Variants in VSIG10 observed in about 807,000 individuals in gnomAD.
The protein encoded by VSIG10 is V-set and immunoglobulin domain containing 10.
In VSIG10, 48 loss-of-function variants were observed where a neutral mutation model predicts 58.7. That is an observed-to-expected ratio of 0.82 (90% confidence interval 0.65 to 1.04). VSIG10 has a LOEUF of 1.04. Ranked by LOEUF, VSIG10 falls within the 50% of genes least tolerant of loss-of-function variation. VSIG10 has a pLI of 0.00. For synonymous variants in VSIG10, 260 were observed against 267.1 expected (o/e 0.97, Z 0.26); for missense variants, 628 against 670.0 (o/e 0.94, Z 0.69).
chr12:118,075,985 C>A (rs1276529928), intron 4 of VSIG10, among the ~76,000 whole-genome samples: 1 of 152,172 alleles, frequency 6.6e-6, no homozygotes, highest in Non-Finnish European at 1.5e-5. Context: ...AAACTGGCTA[C>A]TGTATCCATA....
chr12:118,086,381 T>C (rs2033127225), intron 2 of VSIG10, among the ~76,000 whole-genome samples: 1 of 151,814 alleles, frequency 6.6e-6, no homozygotes, highest in South Asian at 2.1e-4. Context: ...GGCAGGAGAA[T>C]AGCTTGAACC....
At chr12:118,069,900 C>T (rs1176635233) in intron 7 of VSIG10, among the ~76,000 whole-genome samples, 4 of 152,130 alleles carry the variant, frequency 2.6e-5, no homozygotes, top group African/African-American at 9.7e-5. Flanking sequence ...GGGAATGGCA[C>T]AGCTGTCATT....
chr12:118,073,812 T>A lies in VSIG10; in HGVS notation c.1106A>T (p.Asn369Ile), dbSNP rs1471016755. ...SRHLITQDGQ[N>I]STLTIHNCSQ... The stretch of plus-strand genomic sequence containing the variant: ...GCAGTTGTGGATAGTGAGGGTGGAG[T>A]TCTGGCCATCCTGGGTAATGAGATG... The change falls in exon 5 of 9, where the codon AAC becomes ATC. Residue 369 changes from asparagine to isoleucine, a missense_variant. Coordinates refer to ENST00000359236, the MANE Select transcript of VSIG10 (RefSeq NM_019086.6). The A allele has an allele frequency of 6.2e-7, 1 of 1,613,734 alleles. No homozygotes were observed. The highest frequency in any genetic ancestry group is 1.3e-5 in the African/African-American group (1 of 74,880).
intron 4 of VSIG10, 88 bp from the exon 5 acceptor site, chr12:118,074,080 G>GTTTTGTTTTC: frequency 7.3e-7 from 1 of 1,362,860 alleles, no homozygotes; most frequent in South Asian, 1.6e-5. Flanking sequence ...GTAGTTTTTT[G>GTTTTGTTTTC]TTTTGTTTTG....
intron 1 of VSIG10, among the ~76,000 whole-genome samples, chr12:118,097,172 C>T (rs2137952631): frequency 6.6e-6 from 1 of 152,342 alleles, no homozygotes; most frequent in African/African-American, 2.4e-5. Flanking sequence ...AGTCTGCCCA[C>T]CATCCATGCC....
At chr12:118,082,051 A>C in intron 3 of VSIG10, 76 bp downstream of exon 3, 1 of 1,015,448 alleles carries the variant, frequency 9.8e-7, no homozygotes, top group African/African-American at 1.6e-5. Flanking sequence ...CAAATGGGAG[A>C]GGCACAAACG....
At chr12:118,071,544 C>T (rs546620816) in intron 5 of VSIG10, 75 bp from the exon 6 acceptor site, 275 of 1,329,202 alleles carry the variant, frequency 2.1e-4, no homozygotes, top group Non-Finnish European at 2.6e-4. Flanking sequence ...CCTTTCTCTG[C>T]GTGGATCCAG....
At chr12:118,095,076 T>C (rs1391954807) in intron 2 of VSIG10, among the ~76,000 whole-genome samples, 2 of 152,202 alleles carry the variant, frequency 1.3e-5, no homozygotes, top group Non-Finnish European at 2.9e-5. Context: ...GCTAATTTTT[T>C]ATATTTTTAA....
intron 1 of VSIG10, among the ~76,000 whole-genome samples, chr12:118,100,739 G>A (rs1239187283): frequency 1.3e-5 from 2 of 152,102 alleles, no homozygotes; most frequent in Non-Finnish European, 2.9e-5. Flanking sequence ...GTGTTGGCCA[G>A]GCTGGTCTTG....
intron 2 of VSIG10, among the ~76,000 whole-genome samples, chr12:118,085,487 G>A (rs1214343341): frequency 6.6e-6 from 1 of 152,340 alleles, no homozygotes; most frequent in East Asian, 1.9e-4. Flanking sequence ...TCTGACTGGG[G>A]TCTTTCATGG....
At chr12:118,067,161 G>T (rs2032278011) in intron 8 of VSIG10, among the ~76,000 whole-genome samples, 1 of 151,218 alleles carries the variant, frequency 6.6e-6, no homozygotes, top group South Asian at 2.1e-4. Context: ...AGTAGCTGGG[G>T]CTACAGGTAC....
chr12:118,093,576 G>A (rs1315229136), intron 2 of VSIG10, among the ~76,000 whole-genome samples: 1 of 151,978 alleles, frequency 6.6e-6, no homozygotes, highest in Non-Finnish European at 1.5e-5. Context: ...AATAGGAAAG[G>A]TGGCTCATGC....
chr12:118,074,033 A>G (rs1432489272), intron 4 of VSIG10, 41 bp from the exon 5 acceptor site: 1 of 1,510,282 alleles, frequency 6.6e-7, no homozygotes, highest in East Asian at 2.3e-5. Flanking sequence ...GTTTAAAGAG[A>G]TTCAAGTCAT....
Position 118,073,999 on chromosome 12 carries a change from A to T in VSIG10, c.926-7T>A. 1 of 1,536,890 alleles carries T rather than the reference A, an allele frequency of 6.5e-7. No homozygotes were observed. Among genetic ancestry groups the T allele is most frequent in the Non-Finnish European group, 8.8e-7 (1 of 1,142,136 alleles). On this transcript the variant is annotated splice_polypyrimidine_tract_variant and splice_region_variant and intron_variant, in intron 4 of 8. Coordinates refer to ENST00000359236, the MANE Select transcript of VSIG10 (RefSeq NM_019086.6). Reference sequence around the variant, plus strand: ...GAGAGAAGGGAGGGACCCCCTGGTGATCAGAAGGTAAACAAAGACAAATGT... The same window carrying T: ...GAGAGAAGGGAGGGACCCCCTGGTGTTCAGAAGGTAAACAAAGACAAATGT...
intron 3 of VSIG10, among the ~76,000 whole-genome samples, chr12:118,079,936 C>G (rs1031925939): frequency 6.6e-6 from 1 of 152,222 alleles, no homozygotes; most frequent in South Asian, 2.1e-4. Context: ...CAGGTTCAAG[C>G]AATTCTCCTG....
intron 7 of VSIG10, 123 bp from the exon 8 acceptor site, chr12:118,068,720 G>T: frequency 8.1e-7 from 1 of 1,234,512 alleles, no homozygotes; most frequent in East Asian, 2.6e-5. Context: ...TTACAGCTTG[G>T]TGAAGTAATG....
At chr12:118,068,828 A>C (rs182766906) in intron 7 of VSIG10, among the ~76,000 whole-genome samples, 20 of 152,216 alleles carry the variant, frequency 1.3e-4, no homozygotes, top group African/African-American at 4.8e-4. Context: ...TGGGCAGGTG[A>C]CCATATTGTC....
chr12:118,074,364 G>A (rs1191246454), intron 4 of VSIG10, among the ~76,000 whole-genome samples: 4 of 152,040 alleles, frequency 2.6e-5, no homozygotes, highest in South Asian at 2.1e-4. Flanking sequence ...GATTACAGGC[G>A]TGAGCCACCG....
intron 4 of VSIG10, among the ~76,000 whole-genome samples, chr12:118,078,544 C>T (rs1715138872): frequency 6.6e-6 from 1 of 151,890 alleles, no homozygotes; most frequent in Non-Finnish European, 1.5e-5. Context: ...AGCTGGCTCC[C>T]CTTTACCTTC....
Sources: allele counts gnomAD v4.1 joint callset (sites outside exome capture counted in the v4.1 genomes callset), GRCh38; gene constraint gnomAD v4.1.1; transcripts MANE v1.5; gene names NCBI Gene and HGNC (gene_info 2026-07-23, HGNC 2026-07-21).